The following SPECC1 variants were observed in gnomAD, a reference collection of about 807,000 sequenced individuals.
The protein encoded by SPECC1 is cytospin-B.
A neutral mutation model predicts 104.1 loss-of-function variants in SPECC1; 62 were observed. The observed-to-expected ratio is 0.60, with a 90% CI of 0.49 to 0.74. The LOEUF (loss-of-function observed/expected upper bound fraction) is 0.74. Among genes scored for constraint, SPECC1 ranks in the 30% least tolerant of loss-of-function variants. The pLI is 0.00. For missense variants in SPECC1, 1,306 were observed against 1,310.5 expected (o/e 1.00, Z 0.05); for synonymous variants, 513 against 501.6 (o/e 1.02, Z -0.30).
intron 1 of SPECC1, among the ~76,000 whole-genome samples, chr17:20,077,811 T>C (rs1307774989): frequency 6.6e-6 from 1 of 152,102 alleles, no homozygotes; most frequent in Non-Finnish European, 1.5e-5. Flanking sequence ...TGTGGAGTAA[T>C]ACTGAGGCAA....
intron 2 of SPECC1, among the ~76,000 whole-genome samples, chr17:20,108,837 G>A (rs996545454): frequency 3.3e-5 from 5 of 152,134 alleles, no homozygotes; most frequent in African/African-American, 1.2e-4. Context: ...TGAGTCACAG[G>A]GAACTGTGCG....
intron 3 of SPECC1, among the ~76,000 whole-genome samples, chr17:20,173,928 GTTT>G (rs11298381): frequency 6.8e-6 from 1 of 146,524 alleles, no homozygotes; most frequent in Non-Finnish European, 1.5e-5. Flanking sequence ...AGTTTTTGGT[GTTT>G]TTTTTTTTTG....
chr17:20,034,059 T>C (rs371835083), intron 1 of SPECC1, among the ~76,000 whole-genome samples: 21 of 152,276 alleles, frequency 1.4e-4, no homozygotes, highest in African/African-American at 4.8e-4. Context: ...AAATTCTGGC[T>C]CCTTTAAATA....
intron 7 of SPECC1, chr17:20,239,237 A>C (rs1304864825): frequency 9.8e-7 from 1 of 1,015,452 alleles, no homozygotes; most frequent in East Asian, 6.6e-5. Flanking sequence ...ATTTTTTCTT[A>C]ATTATGAAGT....
At chr17:20,078,267 G>A (rs919656487) in intron 1 of SPECC1, among the ~76,000 whole-genome samples, 1 of 151,516 alleles carries the variant, frequency 6.6e-6, no homozygotes, top group Non-Finnish European at 1.5e-5. Context: ...ACAAGCGTGT[G>A]GCTGAGAGAA....
chr17:20,139,141 G>A (rs544280703), intron 3 of SPECC1, among the ~76,000 whole-genome samples: 1 of 152,290 alleles, frequency 6.6e-6, no homozygotes, highest in South Asian at 2.1e-4. Context: ...AACCCTGAAG[G>A]GGCTGCTATT....
rs555319429 is a variant in SPECC1, at chr17:20,153,072, A to G, written c.283+42510A>G. On this transcript the variant is annotated intron_variant, in intron 3 of 14. Transcript: ENST00000395527. ...AGGCCCTGTCTCCAAATACTATCAC[A>G]TTGTGGGGGGTAGGGCTTCAACATG... 2.3e-4 allele frequency among the ~76,000 whole-genome samples: 35 copies of G among 152,248 alleles called. 1 individual carries two copies. The South Asian group carries it at 7.3e-3, about 32-fold the overall frequency.
chr17:20,020,805 A>G (rs1448146717), intron 1 of SPECC1, among the ~76,000 whole-genome samples: 1 of 152,052 alleles, frequency 6.6e-6, no homozygotes, highest in Non-Finnish European at 1.5e-5. Context: ...TCTTCTCCCT[A>G]TAGACAGCTA....
At chr17:20,253,085 C>T (rs1357182950) in intron 9 of SPECC1, among the ~76,000 whole-genome samples, 2 of 151,082 alleles carry the variant, frequency 1.3e-5, no homozygotes, top group African/African-American at 4.9e-5. Context: ...TGTGAGGTGG[C>T]GTGTCACTGT....
intron 1 of SPECC1, among the ~76,000 whole-genome samples, chr17:20,075,977 ATAAT>A (rs1346629110): frequency 1.3e-5 from 2 of 152,040 alleles, no homozygotes; most frequent in Non-Finnish European, 2.9e-5. Flanking sequence ...AAGTAAATAA[ATAAT>A]TAGCCAGGTG....
intron 13 of SPECC1, among the ~76,000 whole-genome samples, chr17:20,302,551 CT>C (rs767258912): frequency 1.8e-4 from 27 of 151,964 alleles, no homozygotes; most frequent in Non-Finnish European, 4.0e-4. Context: ...ATAAAAGTTA[CT>C]GTTGTGAATA....
chr17:20,230,253 ACT>A (rs2151472017), intron 5 of SPECC1, among the ~76,000 whole-genome samples: 1 of 152,242 alleles, frequency 6.6e-6, no homozygotes, highest in Admixed American at 6.5e-5. Flanking sequence ...GTGCATGGCA[ACT>A]CTCTGCAACT....
intron 13 of SPECC1, among the ~76,000 whole-genome samples, chr17:20,302,207 C>T (rs534081331): frequency 2.0e-4 from 31 of 152,336 alleles, no homozygotes; most frequent in Non-Finnish European, 3.5e-4. Context: ...TGAGGCCCAA[C>T]GGGCCCAACC....
At chr17:20,188,532 C>T (rs2035437756) in intron 3 of SPECC1, among the ~76,000 whole-genome samples, 1 of 152,134 alleles carries the variant, frequency 6.6e-6, no homozygotes. Flanking sequence ...CTGCCTTGGC[C>T]TCCCAAAGTG....
chr17:20,125,857 G>T (rs17686798), intron 3 of SPECC1, among the ~76,000 whole-genome samples: 47,198 of 152,092 alleles, frequency 0.31, 8,584 homozygotes, highest in Middle Eastern at 0.41. Context: ...ACTAGTTAAG[G>T]TGCTGAATTC....
intron 4 of SPECC1, among the ~76,000 whole-genome samples, chr17:20,206,509 T>C (rs972397812): frequency 3.3e-5 from 5 of 152,332 alleles, no homozygotes; most frequent in African/African-American, 1.2e-4. Context: ...TTTAGAAATA[T>C]TAAAACTTTT....
chr17:20,023,652 G>C (rs145120925), intron 1 of SPECC1, among the ~76,000 whole-genome samples: 2 of 152,286 alleles, frequency 1.3e-5, no homozygotes, highest in East Asian at 3.9e-4. Context: ...ATTCCATGGG[G>C]TGAGAGTATA....
intron 4 of SPECC1, among the ~76,000 whole-genome samples, chr17:20,218,915 A>G (rs1039632190): frequency 1.3e-5 from 2 of 152,100 alleles, no homozygotes; most frequent in Non-Finnish European, 1.5e-5. Context: ...TTATCTTTCT[A>G]TGTCTGGCTT....
At chr17:20,299,486 G>A (rs1432442379) in intron 13 of SPECC1, among the ~76,000 whole-genome samples, 1 of 149,156 alleles carries the variant, frequency 6.7e-6, no homozygotes, top group Non-Finnish European at 1.5e-5. Context: ...CTTGACTCTG[G>A]GAGTTTGAGG....
Sources: gnomAD v4.1 joint callset for allele counts (sites outside exome capture counted in the v4.1 genomes callset) on GRCh38, gnomAD v4.1.1 for gene constraint, MANE v1.5 for transcripts, NCBI Gene and HGNC (gene_info 2026-07-23, HGNC 2026-07-21) for gene names.